The following TBCA variants were observed in gnomAD, a reference collection of about 807,000 sequenced individuals.
TBCA encodes the protein tubulin-specific chaperone A.
A neutral mutation model predicts 15.8 loss-of-function variants in TBCA; 6 were observed. The observed-to-expected ratio is 0.38, with a 90% CI of 0.21 to 0.75. TBCA has a LOEUF of 0.75. Ranked by LOEUF, TBCA falls within the 30% of genes least tolerant of loss-of-function variation. The pLI is 0.46. For synonymous variants in TBCA, 32 were observed against 42.3 expected, an observed-to-expected ratio of 0.76 and a Z score of 0.94; for missense variants, 90 against 131.2, an observed-to-expected ratio of 0.69 and a Z score of 1.53.
chr5:77,735,084 A>T (rs1407920622), intron 1 of TBCA, among the ~76,000 whole-genome samples: 1 of 152,244 alleles, frequency 6.6e-6, no homozygotes, highest in South Asian at 2.1e-4. Flanking sequence ...TGAGAAACCA[A>T]AAAATTTGTG....
intron 1 of TBCA, among the ~76,000 whole-genome samples, chr5:77,751,159 CTTTTTTTTTTTT>C (rs10573352): frequency 9.8e-4 from 80 of 81,898 alleles, no homozygotes; most frequent in Admixed American, 4.7e-3. Flanking sequence ...TTCTTTCTTT[CTTTTTTTTTTTT>C]TTTTTTTTTT....
chr5:77,752,048 C>T (rs1026413138), intron 1 of TBCA, among the ~76,000 whole-genome samples: 3 of 152,168 alleles, frequency 2.0e-5, no homozygotes, highest in Non-Finnish European at 4.4e-5. Context: ...CACATATACT[C>T]GTCAGCAATT....
intron 1 of TBCA, among the ~76,000 whole-genome samples, chr5:77,755,613 T>A (rs1747455713): frequency 6.6e-6 from 1 of 151,918 alleles, no homozygotes; most frequent in South Asian, 2.1e-4. Context: ...ATAAATAAAA[T>A]GTGCACAAGA....
At chr5:77,743,736 T>C (rs1747103906) in intron 1 of TBCA, among the ~76,000 whole-genome samples, 1 of 152,190 alleles carries the variant, frequency 6.6e-6, no homozygotes, top group Non-Finnish European at 1.5e-5. Flanking sequence ...GTTCCCTTTA[T>C]ACGGAGGTCT....
chr5:77,738,295 G>C (rs182812801), intron 1 of TBCA, among the ~76,000 whole-genome samples: 151 of 152,272 alleles, frequency 9.9e-4, no homozygotes, highest in African/African-American at 3.3e-3. Context: ...GCAAATGCAT[G>C]GGTTTTGGCA....
chr5:77,751,159 C>CTTTTTTTTT (rs10573352), intron 1 of TBCA, among the ~76,000 whole-genome samples: 4 of 81,884 alleles, frequency 4.9e-5, no homozygotes, highest in African/African-American at 9.1e-5. Flanking sequence ...TTCTTTCTTT[C>CTTTTTTTTT]TTTTTTTTTT....
Position 77,708,183 on chromosome 5 carries a change from CATTA to C in TBCA, c.159+55_159+58del, listed in dbSNP as rs1488358350. The C allele has an allele frequency of 8.4e-6, 10 of 1,186,466 alleles. No individual in the cohort carries two copies. In the African/African-American group the frequency reaches 1.5e-4, roughly 18 times the overall value. 73.5% of individuals were successfully genotyped at this position (1,186,466 alleles called of 1,614,324 possible). On this transcript the variant is annotated intron_variant, in intron 2 of 3. Transcript: ENST00000380377. ...AGTCAGAGGACTACTGTAAAAACTA[CATTA>C]GTTAATATGGCATTCTGTAAATGTT...
intron 2 of TBCA, among the ~76,000 whole-genome samples, chr5:77,704,874 A>G (rs1291162131): frequency 1.3e-5 from 2 of 152,262 alleles, no homozygotes; most frequent in African/African-American, 2.4e-5. Flanking sequence ...TTATTTCTGA[A>G]TAAGTACTAA....
rs58679612 is a variant in TBCA at position 77,701,682 on chromosome 5, C to CATATATAT, written c.159+6552_159+6559dup. ...CAACAAGTGGATAAACTGTGGCATG[C>CATATATAT]ATATATATATATATATATATATATA... is the stretch of plus-strand genomic sequence containing the variant. On this transcript the variant is annotated intron_variant, in intron 2 of 3. Transcript: ENST00000380377. 4.8e-3 allele frequency among the ~76,000 whole-genome samples: 243 copies of CATATATAT among 50,958 alleles called. 8 individuals carry two copies. Among genetic ancestry groups the CATATATAT allele is most frequent in the Non-Finnish European group, 5.6e-3 (155 of 27,778 alleles). 33.4% of individuals were successfully genotyped at this position (50,958 alleles called of 152,430 possible).
intron 1 of TBCA, among the ~76,000 whole-genome samples, chr5:77,748,063 G>C (rs1055368557): frequency 6.6e-6 from 1 of 152,098 alleles, no homozygotes; most frequent in Non-Finnish European, 1.5e-5. Context: ...TTAGTTTCTA[G>C]CATAAGCAAT....
intron 1 of TBCA, among the ~76,000 whole-genome samples, chr5:77,727,751 G>A (rs1746664207): frequency 6.6e-6 from 1 of 151,996 alleles, no homozygotes; most frequent in Non-Finnish European, 1.5e-5. Flanking sequence ...GCCCAACAGG[G>A]AATACCTTAA....
chr5:77,705,520 G>T (rs533542674), intron 2 of TBCA: 12 of 398,396 alleles, frequency 3.0e-5, no homozygotes, highest in Admixed American at 2.2e-4. Context: ...CTTATGAAGG[G>T]TCGTTAGTTC....
chr5:77,767,297 G>GCACA (rs200747315), intron 1 of TBCA, among the ~76,000 whole-genome samples: 1 of 151,694 alleles, frequency 6.6e-6, no homozygotes, highest in Non-Finnish European at 1.5e-5. Flanking sequence ...ATACACACAA[G>GCACA]CACACACACA....
chr5:77,693,236 T>A (rs770921213), intron 3 of TBCA, 30 bp downstream of exon 3: 12 of 1,608,678 alleles, frequency 7.5e-6, no homozygotes, highest in East Asian at 6.7e-5. Context: ...AAAAAAAAAA[T>A]TTAAACATGA....
intron 1 of TBCA, among the ~76,000 whole-genome samples, chr5:77,747,524 T>C (rs561474593): frequency 2.0e-5 from 3 of 152,278 alleles, no homozygotes; most frequent in African/African-American, 4.8e-5. Flanking sequence ...TGCTCACTAA[T>C]GTATCAAAAG....
At chr5:77,699,678 C>G (rs188605876) in intron 2 of TBCA, among the ~76,000 whole-genome samples, 2 of 152,114 alleles carry the variant, frequency 1.3e-5, no homozygotes, top group East Asian at 1.9e-4. Flanking sequence ...AGCAAAGAGG[C>G]CTTAGCCCTG....
intron 1 of TBCA, among the ~76,000 whole-genome samples, chr5:77,762,350 A>C (rs558385984): frequency 6.6e-6 from 1 of 152,216 alleles, no homozygotes; most frequent in Non-Finnish European, 1.5e-5. Context: ...TAAAAAGATT[A>C]ATACGTAGAA....
intron 1 of TBCA, among the ~76,000 whole-genome samples, chr5:77,738,242 G>A (rs927873170): frequency 1.4e-4 from 21 of 152,294 alleles, no homozygotes; most frequent in African/African-American, 5.1e-4. Flanking sequence ...AATTTAGCAT[G>A]TATATTGCAG....
intron 1 of TBCA, among the ~76,000 whole-genome samples, chr5:77,709,054 C>T (rs1158061361): frequency 6.7e-6 from 1 of 149,902 alleles, no homozygotes; most frequent in Non-Finnish European, 1.5e-5. Flanking sequence ...ATGATAAAAG[C>T]TCAGTTTACT....
Sources: allele counts gnomAD v4.1 joint callset (sites outside exome capture counted in the v4.1 genomes callset), GRCh38; gene constraint gnomAD v4.1.1; transcripts MANE v1.5; gene names NCBI Gene and HGNC (gene_info 2026-07-23, HGNC 2026-07-21).